Variants in IFT57 observed in about 807,000 individuals in gnomAD.
The protein encoded by IFT57 is intraflagellar transport 57.
Under a neutral mutation model 56.8 loss-of-function variants are expected in IFT57, and 59 were observed. That is an observed-to-expected ratio of 1.04 (90% confidence interval 0.84 to 1.29). The LOEUF is 1.29. IFT57 is among the 50% of genes most tolerant of loss of function. The pLI, the probability that IFT57 is intolerant of heterozygous loss-of-function variation, is 0.00. For synonymous variants in IFT57, 209 were observed against 186.1 expected (o/e 1.12, Z -1.00); for missense variants, 470 against 522.1 (o/e 0.90, Z 0.97).
In IFT57 at chr3:108,221,468, T is replaced by C. The variant is rs574221946; in HGVS notation, c.212+643A>G. Among the ~76,000 whole-genome samples the C allele has an allele frequency of 3.3e-5, 5 of 152,332 alleles. No individual in the cohort carries two copies. The East Asian group carries it at 5.8e-4, about 18-fold the overall frequency. ...AAGGGTAAAACTTTAGGTTCTATGA[T>C]AGGGGGACAATTCAATAGTTGTCAT... On this transcript the variant is annotated intron_variant, in intron 1 of 10. Transcript: ENST00000264538.
intron 6 of IFT57, among the ~76,000 whole-genome samples, chr3:108,184,342 A>AT (rs1476858203): frequency 6.6e-6 from 1 of 152,210 alleles, no homozygotes; most frequent in Admixed American, 6.5e-5. Flanking sequence ...TTATATGCGG[A>AT]TTTTTTTCAA....
intron 6 of IFT57, among the ~76,000 whole-genome samples, chr3:108,169,565 C>T (rs2080081881): frequency 6.6e-6 from 1 of 151,942 alleles, no homozygotes; most frequent in Admixed American, 6.6e-5. Context: ...TTGCCCATGC[C>T]TATATCCTGA....
At chr3:108,213,115 A>C (rs2080351891) in intron 4 of IFT57, among the ~76,000 whole-genome samples, 1 of 152,092 alleles carries the variant, frequency 6.6e-6, no homozygotes, top group South Asian at 2.1e-4. Flanking sequence ...GTAAGAATAC[A>C]GTATATAATA....
chr3:108,201,078 C>A (rs1303028626), intron 5 of IFT57, among the ~76,000 whole-genome samples: 2 of 152,044 alleles, frequency 1.3e-5, no homozygotes, highest in East Asian at 3.9e-4. Context: ...TTATTTGTGC[C>A]CCATCCCCAG....
intron 6 of IFT57, among the ~76,000 whole-genome samples, chr3:108,171,764 G>T (rs992750976): frequency 9.2e-5 from 14 of 151,674 alleles, no homozygotes; most frequent in East Asian, 2.0e-4. Flanking sequence ...GAAAGAAAAT[G>T]AACCTAACAC....
intron 6 of IFT57, among the ~76,000 whole-genome samples, chr3:108,179,985 T>C (rs1370138457): frequency 6.6e-6 from 1 of 152,022 alleles, no homozygotes; most frequent in Admixed American, 6.6e-5. Flanking sequence ...GCTGGAAATA[T>C]GTGTTTCCTC....
intron 4 of IFT57, among the ~76,000 whole-genome samples, chr3:108,210,165 T>G (rs1387443727): frequency 6.6e-6 from 1 of 152,036 alleles, no homozygotes; most frequent in Non-Finnish European, 1.5e-5. Flanking sequence ...TGACTGCCAA[T>G]TACTATGGAT....
intron 6 of IFT57, among the ~76,000 whole-genome samples, chr3:108,189,750 C>T (rs2080204611): frequency 7.4e-6 from 1 of 134,758 alleles, no homozygotes; most frequent in Admixed American, 7.4e-5. Context: ...TCACTTTGTG[C>T]AGTAGTTTTG....
intron 6 of IFT57, among the ~76,000 whole-genome samples, chr3:108,169,588 A>G (rs1410885195): frequency 6.6e-6 from 1 of 152,010 alleles, no homozygotes; most frequent in African/African-American, 2.4e-5. Flanking sequence ...GGTATTGCCT[A>G]GGTTTTCCTC....
rs1193302529 is a variant in IFT57 at position 108,205,911 on chromosome 3, AAT to A, written c.654+715_654+716del. 4.5e-3 allele frequency among the ~76,000 whole-genome samples: 577 copies of A among 128,220 alleles called. 2 individuals are homozygous for A. The highest frequency in any genetic ancestry group is 0.016 in the African/African-American group (543 of 35,016). 84.1% of individuals were successfully genotyped at this position (128,220 alleles called of 152,430 possible). Reference sequence around the variant, plus strand: ...TATTTATAATACATAATTATATATTAATATATATTATTTATAATATATAAATA... The same window carrying A: ...TATTTATAATACATAATTATATATTAATATATTATTTATAATATATAAATA... On this transcript the variant is annotated intron_variant, in intron 5 of 10. Coordinates refer to ENST00000264538, the MANE Select transcript of IFT57 (RefSeq NM_018010.4).
intron 10 of IFT57, among the ~76,000 whole-genome samples, chr3:108,163,269 G>A (rs1182571925): frequency 3.3e-5 from 5 of 151,966 alleles, no homozygotes; most frequent in Non-Finnish European, 7.4e-5. Flanking sequence ...AATAAACTAC[G>A]GGTTATCACA....
At chr3:108,168,585 T>C (rs2080075259) in intron 6 of IFT57, among the ~76,000 whole-genome samples, 1 of 151,944 alleles carries the variant, frequency 6.6e-6, no homozygotes, top group Non-Finnish European at 1.5e-5. Context: ...CCCATCAACC[T>C]GTCATCTAGG....
Position 108,185,071 on chromosome 3 carries a change from T to TA in IFT57, c.777+6449dup, listed in dbSNP as rs577983198. ...AATGAATCCAGCATAAGAACCATTATAAAAAAAGAAAATTCAGGAAGCCAT... is the reference window on the plus strand; with the variant it reads ...AATGAATCCAGCATAAGAACCATTATAAAAAAAAGAAAATTCAGGAAGCCAT... On this transcript the variant is annotated intron_variant, in intron 6 of 10. Coordinates refer to ENST00000264538, the MANE Select transcript of IFT57 (RefSeq NM_018010.4). Among the ~76,000 whole-genome samples, 696 of 152,140 alleles carry TA rather than the reference T, an allele frequency of 4.6e-3. 3 individuals carry two copies. The highest frequency in any genetic ancestry group is 0.016 in the African/African-American group (666 of 41,510).
Position 108,222,127 on chromosome 3 carries a change from G to A in IFT57, c.196C>T (p.Leu66=), listed in dbSNP as rs578227038. 6.2e-7 allele frequency: 1 copy of A among 1,607,594 alleles called. No homozygotes were observed. The highest frequency in any genetic ancestry group is 1.1e-5 in the South Asian group (1 of 90,104). The change falls in exon 1 of 11, where the codon CTG becomes TTG. Residue 66 remains leucine, a synonymous_variant. Transcript: ENST00000264538. Reference sequence around the variant, plus strand: ...GGCACCCACCTGGACGGGGCCTTCAGGTTGCTCTTCCGGAGGAACTCCTCC... The same window carrying A: ...GGCACCCACCTGGACGGGGCCTTCAAGTTGCTCTTCCGGAGGAACTCCTCC... ...YEEEFLRKSN[L]KAPSRHYFAL...
Position 108,162,422 on chromosome 3 carries a change from A to C in IFT57, c.*55T>G. The C allele has an allele frequency of 7.2e-7, 1 of 1,393,172 alleles. No homozygotes were observed. Among genetic ancestry groups the C allele is most frequent in the Admixed American group, 2.2e-5 (1 of 46,006 alleles). 86.3% of individuals were successfully genotyped at this position (1,393,172 alleles called of 1,614,324 possible). On this transcript the variant is annotated 3_prime_UTR_variant, in exon 11 of 11. Coordinates refer to ENST00000264538, the MANE Select transcript of IFT57 (RefSeq NM_018010.4). ...ATGTTTTGAAATCTATGCAACATGA[A>C]ATATAGTTTGATATAAAAAACCCAA...
Position 108,222,344 on chromosome 3 carries a change from C to A in IFT57, c.-22G>T. On this transcript the variant is annotated 5_prime_UTR_variant, in exon 1 of 11. Coordinates refer to ENST00000264538, the MANE Select transcript of IFT57 (RefSeq NM_018010.4). ...TCATCGCAGAACGGACAGAGTCCAG[C>A]GTGGGCTCAGGCCCACAGACCTCTG... 1.3e-6 allele frequency: 2 copies of A among 1,589,652 alleles called. No homozygotes were observed. The highest frequency in any genetic ancestry group is 1.7e-5 in the Admixed American group (1 of 58,366).
chr3:108,162,463 A>G lies in IFT57; in HGVS notation c.*14T>C. The G allele has an allele frequency of 6.4e-7, 1 of 1,568,724 alleles. No homozygotes were observed. The stretch of plus-strand genomic sequence containing the variant: ...AAAAACCCAACTAATCAGAAACATG[A>G]AAACCAGTATGTTTTAATAAAAGCC... On this transcript the variant is annotated 3_prime_UTR_variant, in exon 11 of 11. Transcript: ENST00000264538.
At chr3:108,165,285 T>C (rs62264149) in intron 9 of IFT57, 146 bp downstream of exon 9, 50,624 of 596,084 alleles carry the variant, frequency 0.085, 2,409 homozygotes, top group Non-Finnish European at 0.099. Flanking sequence ...GATTCAGTCA[T>C]AGGAAAATTA....
intron 6 of IFT57, among the ~76,000 whole-genome samples, chr3:108,180,954 C>G (rs2080148445): frequency 6.6e-6 from 1 of 151,928 alleles, no homozygotes; most frequent in Non-Finnish European, 1.5e-5. Flanking sequence ...TGAGGTATAT[C>G]AACAGTGAGG....
Sources: gnomAD v4.1 joint callset for allele counts (sites outside exome capture counted in the v4.1 genomes callset) on GRCh38, gnomAD v4.1.1 for gene constraint, MANE v1.5 for transcripts, NCBI Gene and HGNC (gene_info 2026-07-23, HGNC 2026-07-21) for gene names.